Variants in CLIP3 observed in about 807,000 individuals in gnomAD.
CLIP3 encodes CAP-Gly domain containing linker protein 3, also known as CAP-Gly domain-containing linker protein 3.
A neutral mutation model predicts 59.4 loss-of-function variants in CLIP3; 15 were observed. The observed-to-expected ratio is 0.25, with a 90% CI of 0.17 to 0.39. The LOEUF (loss-of-function observed/expected upper bound fraction) is 0.39, where lower values mean the gene tolerates loss of function less well. Ranked by LOEUF, CLIP3 falls within the 10% of genes least tolerant of loss-of-function variation. CLIP3 has a pLI of 1.00. For synonymous variants in CLIP3, 300 were observed against 321.6 expected (o/e 0.93, Z 0.72); for missense variants, 495 against 765.7 (o/e 0.65, Z 4.17).
At chr19:36,024,727 C>T in intron 6 of CLIP3, 95 bp from the exon 7 acceptor site, 1 of 1,221,700 alleles carries the variant, frequency 8.2e-7, no homozygotes, top group African/African-American at 1.5e-5. Flanking sequence ...CTGGGTGATG[C>T]AGGGGTAAGA....
At chr19:36,028,231 G>C (rs1016303938) in intron 2 of CLIP3, among the ~76,000 whole-genome samples, 3 of 151,738 alleles carry the variant, frequency 2.0e-5, no homozygotes, top group Admixed American at 6.6e-5. Context: ...CCAGCTGCTC[G>C]GGAGGCTGAG....
rs566256774 is a variant in CLIP3 at position 36,016,164 on chromosome 19, C to T, written c.1638G>A (p.Gln546=). Residue 546 remains glutamine (Q), a synonymous_variant, in exon 14 of 14, where the codon CAG becomes CAA. Transcript: ENST00000360535. This position sits in a 1 kb window ranked among gnomAD's most constrained non-coding sequence, Gnocchi z 4.1. ...WFPWMLRAEM[Q]S is the part of the protein sequence containing the mutation. ...TGTCAGGTGTCCAGGGCCTCTAAGA[C>T]TGCATCTCCGCCCTCAGCATCCAGG... is the stretch of plus-strand genomic sequence containing the variant. 9.3e-6 allele frequency: 15 copies of T among 1,613,992 alleles called. No individual in the cohort carries two copies. The highest frequency in any genetic ancestry group is 3.3e-5 in the Admixed American group (2 of 60,020).
intron 2 of CLIP3, among the ~76,000 whole-genome samples, chr19:36,028,339 CA>C (rs1210437840): frequency 6.6e-6 from 1 of 151,634 alleles, no homozygotes; most frequent in African/African-American, 2.4e-5. Context: ...GACTCCATCT[CA>C]AAAAAAGTAA....
At chr19:36,031,008 C>CTTTTTTTTTTTTTTTTTTTTTTTTT (rs374690845) in intron 2 of CLIP3, among the ~76,000 whole-genome samples, 64 of 77,840 alleles carry the variant, frequency 8.2e-4, no homozygotes, top group Non-Finnish European at 1.2e-3. Context: ...TTTTTCTTTT[C>CTTTTTTTTTTTTTTTTTTTTTTTTT]TTTTTTTTTT....
At chr19:36,030,318 G>T (rs1242049190) in intron 2 of CLIP3, among the ~76,000 whole-genome samples, 1 of 152,130 alleles carries the variant, frequency 6.6e-6, no homozygotes, top group East Asian at 1.9e-4. Context: ...CTCCTAGAGT[G>T]CTAGGATTAT....
In CLIP3 at chr19:36,024,598, G is replaced by A; in HGVS notation, c.716C>T (p.Pro239Leu). 6.2e-7 allele frequency: 1 copy of A among 1,614,194 alleles called. No homozygotes were observed. The highest frequency in any genetic ancestry group is 8.5e-7 in the Non-Finnish European group (1 of 1,180,034). Residue 239 changes from proline (P) to leucine (L), a missense_variant, in exon 7 of 14, where the codon CCA (proline) becomes CTA (leucine). Pro to Leu is a moderately conservative substitution (Grantham distance 98). Around this residue, in one of 5 missense-constraint regions of CLIP3, gnomAD observed 194 missense variants for 327.8 expected, o/e 0.59. Coordinates refer to ENST00000360535, the MANE Select transcript of CLIP3 (RefSeq NM_015526.3). Reference sequence around the variant, plus strand: ...GTCCAGGGACATGTCCATAGGATCTGGGACCACCTCCGCCGGCACCTGTCC... The same window carrying A: ...GTCCAGGGACATGTCCATAGGATCTAGGACCACCTCCGCCGGCACCTGTCC... ...RKGQVPAEVV[P>L]DPMDMSLDKA...
At chr19:36,029,306 CA>C (rs774000215) in intron 2 of CLIP3, among the ~76,000 whole-genome samples, 67 of 120,006 alleles carry the variant, frequency 5.6e-4, no homozygotes, top group African/African-American at 9.9e-4. Flanking sequence ...GAGTCCGTCT[CA>C]AAAAAAAAAA....
At chr19:36,028,166 T>C (rs1969163420) in intron 2 of CLIP3, among the ~76,000 whole-genome samples, 1 of 151,946 alleles carries the variant, frequency 6.6e-6, no homozygotes, top group Non-Finnish European at 1.5e-5. Flanking sequence ...GGTGAAACCC[T>C]GACTCTACCA....
intron 8 of CLIP3, 35 bp downstream of exon 8, chr19:36,019,136 A>C: frequency 2.5e-6 from 4 of 1,612,848 alleles, no homozygotes; most frequent in Non-Finnish European, 3.4e-6. Flanking sequence ...GTGGACACCC[A>C]GCCACACCCC....
intron 7 of CLIP3, among the ~76,000 whole-genome samples, chr19:36,023,601 C>T (rs1969011209): frequency 6.6e-6 from 1 of 150,544 alleles, no homozygotes. Context: ...CAGGATCTCA[C>T]TATGTTGCCC....
Position 36,016,829 on chromosome 19 carries a change from G to C in CLIP3, c.1589+78C>G. ...CTTTCCAGCCCTGACCAGAGCTCCAGACCTCTGGGTCCAACTGCCTTATGG... is the reference window on the plus strand; with the variant it reads ...CTTTCCAGCCCTGACCAGAGCTCCACACCTCTGGGTCCAACTGCCTTATGG... On this transcript the variant is annotated intron_variant, in intron 13 of 13. Coordinates refer to ENST00000360535, the MANE Select transcript of CLIP3 (RefSeq NM_015526.3). The surrounding 1 kb of genome is among the most constrained non-coding windows in gnomAD (Gnocchi z 4.1). 6.8e-7 allele frequency: 1 copy of C among 1,466,494 alleles called. No homozygotes were observed. Among genetic ancestry groups the C allele is most frequent in the South Asian group, 1.2e-5 (1 of 84,056 alleles). 90.8% of individuals were successfully genotyped at this position (1,466,494 alleles called of 1,614,324 possible).
chr19:36,025,820 A>T (rs770014075), intron 6 of CLIP3, among the ~76,000 whole-genome samples: 3 of 152,158 alleles, frequency 2.0e-5, no homozygotes, highest in Non-Finnish European at 2.9e-5. Context: ...TTAGGAGAGG[A>T]CCAACCCTCT....
chr19:36,031,408 C>T (rs1599706432), intron 2 of CLIP3, among the ~76,000 whole-genome samples: 1 of 152,218 alleles, frequency 6.6e-6, no homozygotes, highest in Admixed American at 6.5e-5. Flanking sequence ...CTCTCCTTCT[C>T]TCCTGCAAGG....
Position 36,015,945 on chromosome 19 carries a change from G to T in CLIP3, c.*213C>A. The T allele has an allele frequency of 1.6e-6, 1 of 607,902 alleles. No individual in the cohort carries two copies. Among genetic ancestry groups the T allele is most frequent in the Non-Finnish European group, 3.0e-6 (1 of 337,322 alleles). 37.7% of individuals were successfully genotyped at this position (607,902 alleles called of 1,614,324 possible). The stretch of plus-strand genomic sequence containing the variant: ...GGGACTAGCCTGAAGGTGCTACTCA[G>T]GGAATCTCTTTCTGGGTGACATGGG... On this transcript the variant is annotated 3_prime_UTR_variant, in exon 14 of 14. Transcript: ENST00000360535.
At chr19:36,017,010 G>A (rs1219317923) in intron 12 of CLIP3, 31 bp from the exon 13 acceptor site, 1 of 1,610,912 alleles carries the variant, frequency 6.2e-7, no homozygotes, top group South Asian at 1.1e-5. Context: ...TCAAGTGAGG[G>A]GATGACAGAC....
At chr19:36,020,006 G>C (rs986025641) in intron 7 of CLIP3, among the ~76,000 whole-genome samples, 3 of 151,992 alleles carry the variant, frequency 2.0e-5, no homozygotes, top group African/African-American at 7.2e-5. Context: ...AGGAGTTTCA[G>C]ACCAGCCTGG....
In CLIP3 at chr19:36,016,229, C is replaced by CA. The variant is rs764386304; in HGVS notation, c.1590-18dup. 3.7e-6 allele frequency: 6 copies of CA among 1,613,924 alleles called. No homozygotes were observed. The African/African-American group carries it at 8.0e-5, about 22-fold the overall frequency. On this transcript the variant is annotated splice_polypyrimidine_tract_variant and intron_variant, in intron 13 of 13. Coordinates refer to ENST00000360535, the MANE Select transcript of CLIP3 (RefSeq NM_015526.3). This position sits in a 1 kb window ranked among gnomAD's most constrained non-coding sequence, Gnocchi z 4.1. ...AACAGCAACCTGGAAAGGAGGATGA[C>CA]AGGGTCACGCCCTTAGGCAGGCAGC...
In CLIP3 at chr19:36,032,240, T is replaced by C; in HGVS notation, c.118A>G (p.Lys40Glu). Residue 40 changes from lysine (K) to glutamate (E), a missense_variant, in exon 2 of 14, where the codon AAG (lysine) becomes GAG (glutamate). By Grantham distance (56) the Lys-to-Glu change is moderately conservative (BLOSUM62 1). Coordinates refer to ENST00000360535, the MANE Select transcript of CLIP3 (RefSeq NM_015526.3). The surrounding 1 kb of genome is among the most constrained non-coding windows in gnomAD (Gnocchi z 4.3). The part of the protein sequence containing the change: ...APSPTQERRQ[K>E]PVVHPSAPAP... Reference sequence around the variant, plus strand: ...GGTGCCGAGGGGTGCACAACAGGCTTCTGCCGGCGCTCCTGGGTGGGGCTG... The same window carrying C: ...GGTGCCGAGGGGTGCACAACAGGCTCCTGCCGGCGCTCCTGGGTGGGGCTG... 7.7e-7 allele frequency: 1 copy of C among 1,307,042 alleles called. No homozygotes were observed. The highest frequency in any genetic ancestry group is 2.6e-5 in the South Asian group (1 of 37,864). The allele number at this position is 1,307,042 out of a possible 1,614,324, so 81.0% of individuals were successfully genotyped here. A position where few individuals can be genotyped will look rare whatever the true frequency, so the allele number is the denominator to read the frequency against.
In CLIP3 at chr19:36,028,996, C is replaced by CTTT. The variant is rs71167588; in HGVS notation, c.167-1728_167-1726dup. Among the ~76,000 whole-genome samples, 179 of 65,278 alleles carry CTTT rather than the reference C, an allele frequency of 2.7e-3. 34 individuals carry two copies. Among genetic ancestry groups the CTTT allele is most frequent in the African/African-American group, 0.011 (165 of 15,186 alleles). 42.8% of individuals were successfully genotyped at this position (65,278 alleles called of 152,430 possible). On this transcript the variant is annotated intron_variant, in intron 2 of 13. Coordinates refer to ENST00000360535, the MANE Select transcript of CLIP3 (RefSeq NM_015526.3). ...CACCCGCCCTTCTCCATCTCCTACT[C>CTTT]TTTTTTTTTTTTTTTTTTTTTTTTT...
Sources: allele counts gnomAD v4.1 joint callset (sites outside exome capture counted in the v4.1 genomes callset), GRCh38; gene constraint gnomAD v4.1.1; regional missense constraint gnomAD v4.1.1; non-coding constraint Gnocchi (gnomAD v3.1); transcripts MANE v1.5; gene names NCBI Gene and HGNC (gene_info 2026-07-23, HGNC 2026-07-21).